ATXN10: variants seen among roughly 807,000 people sequenced by gnomAD.
The protein encoded by ATXN10 is ataxin-10.
A neutral mutation model predicts 52.9 loss-of-function variants in ATXN10; 28 were observed. The ratio of observed to expected loss-of-function variants is 0.53; its 90% CI spans 0.39 to 0.73. ATXN10 has a LOEUF of 0.73. Among genes scored for constraint, ATXN10 ranks in the 30% least tolerant of loss-of-function variants. ATXN10 has a pLI of 0.00. For synonymous variants in ATXN10, 226 were observed against 221.5 expected (o/e 1.02, Z -0.18); for missense variants, 565 against 577.0 (o/e 0.98, Z 0.21).
At position 45,750,280 on chromosome 22, in the gene ATXN10, G is replaced by C. The variant is rs1230550328; in HGVS notation, c.1173+9742G>C. ...GCAAATTTTTGTATTTTTTTTTGTAGAGGTGGGATTTTCCCATGTTCCCCA... is the reference window on the plus strand; with the variant it reads ...GCAAATTTTTGTATTTTTTTTTGTACAGGTGGGATTTTCCCATGTTCCCCA... On this transcript the variant is annotated intron_variant, in intron 9 of 11. Transcript: ENST00000252934. This position sits in a 1 kb window ranked among gnomAD's most constrained non-coding sequence, Gnocchi z 4.2. 6.6e-6 allele frequency among the ~76,000 whole-genome samples: 1 copy of C among 151,498 alleles called. No homozygotes were observed. The highest frequency in any genetic ancestry group is 2.1e-4 in the South Asian group (1 of 4,790).
rs1023843814 is a variant in ATXN10 at position 45,733,604 on chromosome 22, C to T, written c.894+4014C>T. 3.3e-5 allele frequency among the ~76,000 whole-genome samples: 5 copies of T among 151,978 alleles called. No individual in the cohort carries two copies. The highest frequency in any genetic ancestry group is 7.3e-5 in the African/African-American group (3 of 41,374). On this transcript the variant is annotated intron_variant, in intron 7 of 11. Coordinates refer to ENST00000252934, the MANE Select transcript of ATXN10 (RefSeq NM_013236.4). The surrounding 1 kb of genome is among the most constrained non-coding windows in gnomAD (Gnocchi z 4.4). Reference sequence around the variant, plus strand: ...TACAAAAATTAGCCGGGTGTGGTGGCGGATGCCTGTAATCCCAGCTACTCG... The same window carrying T: ...TACAAAAATTAGCCGGGTGTGGTGGTGGATGCCTGTAATCCCAGCTACTCG...
chr22:45,752,856 C>T (rs1926033116), intron 9 of ATXN10, among the ~76,000 whole-genome samples: 1 of 151,936 alleles, frequency 6.6e-6, no homozygotes, highest in African/African-American at 2.4e-5. Context: ...GCGTCAGCCT[C>T]CCGAGTAGCT....
Position 45,787,494 on chromosome 22 carries a change from T to G in ATXN10, c.1174-19465T>G, listed in dbSNP as rs113190596. On this transcript the variant is annotated intron_variant, in intron 9 of 11. Transcript: ENST00000252934. This position sits in a 1 kb window ranked among gnomAD's most constrained non-coding sequence, Gnocchi z 4.2. ...TCCTTCCCACCTTCTAGCCTCCAGTTCCCAAGCCTGGCATTTGCTTCTTTT... is the reference window on the plus strand; with the variant it reads ...TCCTTCCCACCTTCTAGCCTCCAGTGCCCAAGCCTGGCATTTGCTTCTTTT... 0.011 allele frequency among the ~76,000 whole-genome samples: 1,699 copies of G among 152,230 alleles called. 38 individuals are homozygous for G. The highest frequency in any genetic ancestry group is 0.039 in the African/African-American group (1,620 of 41,522).
chr22:45,776,918 C>G (rs1035894222), intron 9 of ATXN10, among the ~76,000 whole-genome samples: 5 of 151,928 alleles, frequency 3.3e-5, no homozygotes, highest in African/African-American at 1.2e-4. Flanking sequence ...CTTTTTATTC[C>G]TATGCATCAT....
At position 45,790,157 on chromosome 22, in the gene ATXN10, A is replaced by G. The variant is rs1927457376; in HGVS notation, c.1174-16802A>G. Reference sequence around the variant, plus strand: ...TGTGTGTTCAAATAAATTGAAATTCAAAATATATTCTCCCTGATTTCTTAT... The same window carrying G: ...TGTGTGTTCAAATAAATTGAAATTCGAAATATATTCTCCCTGATTTCTTAT... On this transcript the variant is annotated intron_variant, in intron 9 of 11. Transcript: ENST00000252934. This position sits in a 1 kb window ranked among gnomAD's most constrained non-coding sequence, Gnocchi z 4.7. Among the ~76,000 whole-genome samples the G allele has an allele frequency of 6.6e-6, 1 of 152,236 alleles. No individual in the cohort carries two copies. Among genetic ancestry groups the G allele is most frequent in the Admixed American group, 6.5e-5 (1 of 15,282 alleles).
intron 10 of ATXN10, among the ~76,000 whole-genome samples, chr22:45,832,390 C>T (rs538447032): frequency 6.6e-6 from 1 of 152,360 alleles, no homozygotes; most frequent in East Asian, 1.9e-4. Flanking sequence ...CTCAGCTCTC[C>T]AGGGGTCTGG....
rs1927461713 is a variant in ATXN10, at chr22:45,790,270, C to T, written c.1174-16689C>T. On this transcript the variant is annotated intron_variant, in intron 9 of 11. Transcript: ENST00000252934. The surrounding 1 kb of genome is among the most constrained non-coding windows in gnomAD (Gnocchi z 4.7). ...AGCTGCAGTCTGGACTGTCTCTTGC[C>T]GGAATGTGTGTGGTTCTTTCAGGAA... 1.3e-5 allele frequency among the ~76,000 whole-genome samples: 2 copies of T among 152,076 alleles called. No individual in the cohort carries two copies. The highest frequency in any genetic ancestry group is 1.9e-4 in the East Asian group (1 of 5,192).
chr22:45,689,654 G>T, intron 1 of ATXN10, 58 bp from the exon 2 acceptor site: 1 of 1,522,444 alleles, frequency 6.6e-7, no homozygotes. Flanking sequence ...TTCTGAATAG[G>T]ACATTTGGAA....
chr22:45,738,587 C>G, intron 7 of ATXN10, 144 bp from the exon 8 acceptor site: 3 of 679,128 alleles, frequency 4.4e-6, no homozygotes. Context: ...TTTTGTTCTT[C>G]ATAGTTTTGT....
Position 45,792,020 on chromosome 22 carries a change from A to G in ATXN10, c.1174-14939A>G, listed in dbSNP as rs183451829. On this transcript the variant is annotated intron_variant, in intron 9 of 11. Transcript: ENST00000252934. ...CACAGTTTATTTTGGAATTCAGATAAGAACTGACACTTATAAGCATTCCAA... is the reference window on the plus strand; with the variant it reads ...CACAGTTTATTTTGGAATTCAGATAGGAACTGACACTTATAAGCATTCCAA... Among the ~76,000 whole-genome samples the G allele has an allele frequency of 1.3e-3, 196 of 152,270 alleles. 1 individual carries two copies. The highest frequency in any genetic ancestry group is 4.4e-3 in the African/African-American group (181 of 41,562).
intron 9 of ATXN10, among the ~76,000 whole-genome samples, chr22:45,788,559 C>A (rs572783766): frequency 6.6e-6 from 1 of 151,856 alleles, no homozygotes; most frequent in Admixed American, 6.6e-5. Flanking sequence ...TTCTTCGTGC[C>A]GCTCTTGCTC....
rs1459927795 is a variant in ATXN10, at chr22:45,769,518, G to A, written c.1173+28980G>A. Among the ~76,000 whole-genome samples, 1 of 152,038 alleles carries A rather than the reference G, an allele frequency of 6.6e-6. No homozygotes were observed. Among genetic ancestry groups the A allele is most frequent in the Non-Finnish European group, 1.5e-5 (1 of 68,008 alleles). On this transcript the variant is annotated intron_variant, in intron 9 of 11. Coordinates refer to ENST00000252934, the MANE Select transcript of ATXN10 (RefSeq NM_013236.4). The surrounding 1 kb of genome is among the most constrained non-coding windows in gnomAD (Gnocchi z 4.2). ...TGGAGTTGGGCCTTGAGGAATGGTG[G>A]GTAGCAGTTATGTGGCGATGAAGAG...
intron 5 of ATXN10, among the ~76,000 whole-genome samples, chr22:45,716,038 T>G (rs1223958902): frequency 6.6e-6 from 1 of 152,108 alleles, no homozygotes; most frequent in Non-Finnish European, 1.5e-5. Context: ...GAAGGGAGGA[T>G]AGCTTGAGGC....
rs1009695679 is a variant in ATXN10, at chr22:45,762,364, A to T, written c.1173+21826A>T. Among the ~76,000 whole-genome samples, 2 of 152,090 alleles carry T rather than the reference A, an allele frequency of 1.3e-5. No homozygotes were observed. Among genetic ancestry groups the T allele is most frequent in the African/African-American group, 4.8e-5 (2 of 41,408 alleles). ...GCTTCATGACTACATCTCATTTTTTATTTATCTTTGTTATGATAGATAGCA... is the reference window on the plus strand; with the variant it reads ...GCTTCATGACTACATCTCATTTTTTTTTTATCTTTGTTATGATAGATAGCA... On this transcript the variant is annotated intron_variant, in intron 9 of 11. Transcript: ENST00000252934. The surrounding 1 kb of genome is among the most constrained non-coding windows in gnomAD (Gnocchi z 4.3).
At chr22:45,697,690 G>C (rs985690899) in intron 3 of ATXN10, among the ~76,000 whole-genome samples, 2 of 151,772 alleles carry the variant, frequency 1.3e-5, no homozygotes, top group African/African-American at 2.4e-5. Flanking sequence ...AGTGCAGTGG[G>C]GCGATCTCGG....
chr22:45,779,300 G>T (rs1927065224), intron 9 of ATXN10, among the ~76,000 whole-genome samples: 1 of 151,890 alleles, frequency 6.6e-6, no homozygotes, highest in South Asian at 2.1e-4. Flanking sequence ...TTCTTTCTTG[G>T]GCCTCGTATG....
intron 9 of ATXN10, among the ~76,000 whole-genome samples, chr22:45,764,677 G>T (rs1926522164): frequency 6.6e-6 from 1 of 152,196 alleles, no homozygotes; most frequent in South Asian, 2.1e-4. Flanking sequence ...AACACCCAAA[G>T]AATTTATTCA....
At position 45,692,984 on chromosome 22, in the gene ATXN10, TA is replaced by T. The variant is rs1569025054; in HGVS notation, c.309-6del. ...TGAACATGTCTAATTTTGTCTTTTT[TA>T]AAAAACCCAGGAACTTGGATACGAT... is the stretch of plus-strand genomic sequence containing the variant. On this transcript the variant is annotated splice_polypyrimidine_tract_variant and intron_variant, in intron 2 of 11. Transcript: ENST00000252934. The T allele has an allele frequency of 6.8e-6, 11 of 1,613,798 alleles. 1 individual carries two copies. The South Asian group carries it at 1.1e-4, about 16-fold the overall frequency.
At position 45,689,579 on chromosome 22, in the gene ATXN10, G is replaced by A. The variant is rs1018192773; in HGVS notation, c.117-133G>A. The A allele has an allele frequency of 3.6e-5, 24 of 667,188 alleles. No homozygotes were observed. In the South Asian group the frequency reaches 4.3e-4, roughly 12 times the overall value. The allele number at this position is 667,188 out of a possible 1,614,324, so 41.3% of individuals were successfully genotyped here. ...ATGTGTAGATCTTTTATTTGGTGTT[G>A]TAAATTAAGGAGCTAAAGCAGATAA... On this transcript the variant is annotated intron_variant, in intron 1 of 11. Coordinates refer to ENST00000252934, the MANE Select transcript of ATXN10 (RefSeq NM_013236.4).
Sources: allele counts gnomAD v4.1 joint callset (sites outside exome capture counted in the v4.1 genomes callset), GRCh38; gene constraint gnomAD v4.1.1; non-coding constraint Gnocchi (gnomAD v3.1); transcripts MANE v1.5; gene names NCBI Gene and HGNC (gene_info 2026-07-23, HGNC 2026-07-21).